Variants in PEX3 observed in about 807,000 individuals in gnomAD.
PEX3 encodes the protein peroxisomal biogenesis factor 3.
Under a neutral mutation model 55.8 loss-of-function variants are expected in PEX3, and 30 were observed. That is an observed-to-expected ratio of 0.54 (90% CI 0.40 to 0.73). The LOEUF is 0.73. Among genes scored for constraint, PEX3 ranks in the 30% least tolerant of loss-of-function variants. The probability of loss-of-function intolerance (pLI) is 0.00; values close to 1 mark genes in which losing one functional copy is unlikely to be tolerated. For missense variants in PEX3, 351 were observed against 432.8 expected, an observed-to-expected ratio of 0.81 and a Z score of 1.68; for synonymous variants, 135 against 148.4, an observed-to-expected ratio of 0.91 and a Z score of 0.66.
chr6:143,490,416 A>G lies in PEX3; in HGVS notation c.*1190A>G. 1 of 189,072 alleles carries G rather than the reference A, an allele frequency of 5.3e-6. No homozygotes were observed. Among genetic ancestry groups the G allele is most frequent in the Non-Finnish European group, 1.1e-5 (1 of 93,048 alleles). The allele number at this position is 189,072 out of a possible 1,614,324, so 11.7% of individuals were successfully genotyped here. A position where few individuals can be genotyped will look rare whatever the true frequency, so the allele number is the denominator to read the frequency against. ...CTGGCTAGGCCTGAAGCTCACTGCCAGGGAGTTTGTGTCTAGAATGTTTTT... is the reference window on the plus strand; with the variant it reads ...CTGGCTAGGCCTGAAGCTCACTGCCGGGGAGTTTGTGTCTAGAATGTTTTT... On this transcript the variant is annotated 3_prime_UTR_variant, in exon 12 of 12. Transcript: ENST00000367591. This position sits in a 1 kb window ranked among gnomAD's most constrained non-coding sequence, Gnocchi z 6.0.
At position 143,472,331 on chromosome 6, in the gene PEX3, G is replaced by A. The variant is rs1780086081; in HGVS notation, c.747+3G>A. On this transcript the variant is annotated splice_donor_region_variant and intron_variant, in intron 8 of 11. Transcript: ENST00000367591. ...AAGAAACTCCATTAGCAGTGCAGGT[G>A]CTTAATTCATAACCATTTAACCAAA... 1 of 1,596,874 alleles carries A rather than the reference G, an allele frequency of 6.3e-7. No individual in the cohort carries two copies. The highest frequency in any genetic ancestry group is 8.6e-7 in the Non-Finnish European group (1 of 1,165,564).
In PEX3 at chr6:143,476,889, A is replaced by G. The variant is rs919179586; in HGVS notation, c.818+2033A>G. On this transcript the variant is annotated intron_variant, in intron 9 of 11. Transcript: ENST00000367591. The surrounding 1 kb of genome is among the most constrained non-coding windows in gnomAD (Gnocchi z 5.4). ...AGACTAGAAGACAACTAAGTCATAG[A>G]GCAGTCCAACATTTAGAGTTTGGGA... Among the ~76,000 whole-genome samples the G allele has an allele frequency of 1.3e-5, 2 of 152,208 alleles. No homozygotes were observed. Among genetic ancestry groups the G allele is most frequent in the African/African-American group, 4.8e-5 (2 of 41,464 alleles).
intron 1 of PEX3, among the ~76,000 whole-genome samples, chr6:143,456,982 TA>T (rs1231038170): frequency 3.9e-5 from 6 of 151,980 alleles, no homozygotes; most frequent in East Asian, 1.9e-4. Flanking sequence ...TAGCAGTTCC[TA>T]AAAAAAATCA....
rs1779978712 is a variant in PEX3, at chr6:143,465,410, T to A, written c.287+2413T>A. On this transcript the variant is annotated intron_variant, in intron 3 of 11. Transcript: ENST00000367591. This position sits in a 1 kb window ranked among gnomAD's most constrained non-coding sequence, Gnocchi z 4.7. ...CCCACCAAAATCATCCCAAATAAAA[T>A]ACAGTTTTTTGTTCGTTTGGTTTTG... Among the ~76,000 whole-genome samples, 1 of 151,938 alleles carries A rather than the reference T, an allele frequency of 6.6e-6. No homozygotes were observed. The highest frequency in any genetic ancestry group is 2.4e-5 in the African/African-American group (1 of 41,418).
chr6:143,459,600 G>T lies in PEX3; in HGVS notation c.205+384G>T, dbSNP rs1270338170. Among the ~76,000 whole-genome samples, 1 of 152,170 alleles carries T rather than the reference G, an allele frequency of 6.6e-6. No homozygotes were observed. Among genetic ancestry groups the T allele is most frequent in the Non-Finnish European group, 1.5e-5 (1 of 68,028 alleles). On this transcript the variant is annotated intron_variant, in intron 2 of 11. Transcript: ENST00000367591. The surrounding 1 kb of genome is among the most constrained non-coding windows in gnomAD (Gnocchi z 4.2). ...GGCTGGAACGTTCTTTAAGACAGGG[G>T]ATCAGTAGAGTCAGGTTTCTTTGAG...
intron 10 of PEX3, chr6:143,484,890 T>C: frequency 2.4e-6 from 1 of 422,144 alleles, no homozygotes; most frequent in Admixed American, 3.8e-5. Context: ...ACAATAAAAA[T>C]GCAAAAACAG....
At position 143,487,752 on chromosome 6, in the gene PEX3, A is replaced by C. The variant is rs1055355366; in HGVS notation, c.1039-1391A>C. Among the ~76,000 whole-genome samples the C allele has an allele frequency of 6.6e-6, 1 of 151,708 alleles. No individual in the cohort carries two copies. Among genetic ancestry groups the C allele is most frequent in the African/African-American group, 2.4e-5 (1 of 41,320 alleles). ...ATTTTTTTTTTTATCTACTGTAACT[A>C]TTCTGAAAGCTTCATTTGTATCATG... On this transcript the variant is annotated intron_variant, in intron 11 of 11. Coordinates refer to ENST00000367591, the MANE Select transcript of PEX3 (RefSeq NM_003630.3). The surrounding 1 kb of genome is among the most constrained non-coding windows in gnomAD (Gnocchi z 5.3).
intron 2 of PEX3, among the ~76,000 whole-genome samples, chr6:143,461,056 A>C (rs754220436): frequency 6.6e-6 from 1 of 152,112 alleles, no homozygotes; most frequent in African/African-American, 2.4e-5. Context: ...AAGGCAAGCG[A>C]AGCATTTAGG....
Position 143,476,435 on chromosome 6 carries a change from T to C in PEX3, c.818+1579T>C, listed in dbSNP as rs971666091. ...GCAGGGCAGTGACATCATCTGTGTT[T>C]ATAAAAGATCTCATTGCTCTATGGT... On this transcript the variant is annotated intron_variant, in intron 9 of 11. Coordinates refer to ENST00000367591, the MANE Select transcript of PEX3 (RefSeq NM_003630.3). The surrounding 1 kb of genome is among the most constrained non-coding windows in gnomAD (Gnocchi z 5.4). Among the ~76,000 whole-genome samples, 7 of 152,190 alleles carry C rather than the reference T, an allele frequency of 4.6e-5. No individual in the cohort carries two copies. The East Asian group carries it at 1.3e-3, about 29-fold the overall frequency.
rs1433722294 is a variant in PEX3 at position 143,472,241 on chromosome 6, GTCT to G, written c.668_670del (p.Ser223del). 4 of 1,607,380 alleles carry G rather than the reference GTCT, an allele frequency of 2.5e-6. No individual in the cohort carries two copies. In the Admixed American group the frequency reaches 5.0e-5, roughly 20 times the overall value. On this transcript the variant is annotated inframe_deletion, in exon 8 of 12. Coordinates refer to ENST00000367591, the MANE Select transcript of PEX3 (RefSeq NM_003630.3). ...TCAGAAATCTCGTTGAGCAGCATAA[GTCT>G]TCTTCTTGGATTAATAAAGATGGAT...
At chr6:143,470,237 C>G (rs1231260943) in intron 4 of PEX3, among the ~76,000 whole-genome samples, 1 of 152,182 alleles carries the variant, frequency 6.6e-6, no homozygotes, top group Non-Finnish European at 1.5e-5. Flanking sequence ...CATAAGCCAC[C>G]GTGCCTAGCC....
In PEX3 at chr6:143,479,038, G is replaced by T; in HGVS notation, c.819-38G>T. 1 of 1,345,156 alleles carries T rather than the reference G, an allele frequency of 7.4e-7. No homozygotes were observed. The highest frequency in any genetic ancestry group is 1.2e-5 in the South Asian group (1 of 84,608). The allele number at this position is 1,345,156 out of a possible 1,614,324, so 83.3% of individuals were successfully genotyped here. ...CTGAATTTGTTTTCTCTTCCATTCA[G>T]AGTCTAAAAAGTAACTTATACTTCT... On this transcript the variant is annotated intron_variant, in intron 9 of 11. Coordinates refer to ENST00000367591, the MANE Select transcript of PEX3 (RefSeq NM_003630.3). The surrounding 1 kb of genome is among the most constrained non-coding windows in gnomAD (Gnocchi z 4.6).
chr6:143,489,307 A>G lies in PEX3; in HGVS notation c.*81A>G. 1 of 796,656 alleles carries G rather than the reference A, an allele frequency of 1.3e-6. No individual in the cohort carries two copies. 49.3% of individuals were successfully genotyped at this position (796,656 alleles called of 1,614,324 possible). A position where few individuals can be genotyped will look rare whatever the true frequency, so the allele number is the denominator to read the frequency against. The stretch of plus-strand genomic sequence containing the variant: ...GTAAATCACCTATACTTAGAGTAAC[A>G]GTTTGTTATCAAAATGCCTGATAAA... On this transcript the variant is annotated 3_prime_UTR_variant, in exon 12 of 12. Coordinates refer to ENST00000367591, the MANE Select transcript of PEX3 (RefSeq NM_003630.3). The surrounding 1 kb of genome is among the most constrained non-coding windows in gnomAD (Gnocchi z 5.5).
chr6:143,482,997 C>A lies in PEX3; in HGVS notation c.942-2155C>A, dbSNP rs1780262172. On this transcript the variant is annotated intron_variant, in intron 10 of 11. Coordinates refer to ENST00000367591, the MANE Select transcript of PEX3 (RefSeq NM_003630.3). This position sits in a 1 kb window ranked among gnomAD's most constrained non-coding sequence, Gnocchi z 5.5. Reference sequence around the variant, plus strand: ...ATAAGCTTTTCATCAATATTAAATGCAAATAATATACAGGAGGAAATGTTT... The same window carrying A: ...ATAAGCTTTTCATCAATATTAAATGAAAATAATATACAGGAGGAAATGTTT... Among the ~76,000 whole-genome samples, 1 of 151,976 alleles carries A rather than the reference C, an allele frequency of 6.6e-6. No individual in the cohort carries two copies. Among genetic ancestry groups the A allele is most frequent in the Non-Finnish European group, 1.5e-5 (1 of 67,974 alleles).
chr6:143,452,572 A>G (rs1452320870), intron 1 of PEX3, among the ~76,000 whole-genome samples: 1 of 152,190 alleles, frequency 6.6e-6, no homozygotes, highest in East Asian at 1.9e-4. Context: ...TTAAACTTAT[A>G]ATTTTTTTAA....
chr6:143,480,147 G>A (rs760629359), intron 10 of PEX3, among the ~76,000 whole-genome samples: 1 of 152,022 alleles, frequency 6.6e-6, no homozygotes, highest in Non-Finnish European at 1.5e-5. Flanking sequence ...CAGCCATAAA[G>A]TATATTCTCT....
rs915173893 is a variant in PEX3 at position 143,483,338 on chromosome 6, G to A, written c.942-1814G>A. Among the ~76,000 whole-genome samples, 3 of 152,098 alleles carry A rather than the reference G, an allele frequency of 2.0e-5. No homozygotes were observed. Among genetic ancestry groups the A allele is most frequent in the Non-Finnish European group, 2.9e-5 (2 of 67,998 alleles). On this transcript the variant is annotated intron_variant, in intron 10 of 11. Coordinates refer to ENST00000367591, the MANE Select transcript of PEX3 (RefSeq NM_003630.3). The surrounding 1 kb of genome is among the most constrained non-coding windows in gnomAD (Gnocchi z 4.3). Reference sequence around the variant, plus strand: ...GTTATAAAGGAGAAGAACACTGAACGTATAATAGAAAAATTTAAACAAAAG... The same window carrying A: ...GTTATAAAGGAGAAGAACACTGAACATATAATAGAAAAATTTAAACAAAAG...
intron 2 of PEX3, among the ~76,000 whole-genome samples, chr6:143,460,437 A>G (rs990557985): frequency 6.6e-6 from 1 of 152,220 alleles, no homozygotes; most frequent in Non-Finnish European, 1.5e-5. Flanking sequence ...ACAGTGCTTG[A>G]TGTATGATAA....
At chr6:143,452,910 A>G (rs1208710553) in intron 1 of PEX3, among the ~76,000 whole-genome samples, 1 of 152,210 alleles carries the variant, frequency 6.6e-6, no homozygotes, top group African/African-American at 2.4e-5. Flanking sequence ...TTGGGTGCCC[A>G]CTTTACGCTG....
Sources: allele counts gnomAD v4.1 joint callset (sites outside exome capture counted in the v4.1 genomes callset), GRCh38; gene constraint gnomAD v4.1.1; non-coding constraint Gnocchi (gnomAD v3.1); transcripts MANE v1.5; gene names NCBI Gene and HGNC (gene_info 2026-07-23, HGNC 2026-07-21).